The following B3GALT1 variants were observed in gnomAD, a reference collection of about 807,000 sequenced individuals.
The protein encoded by B3GALT1 is beta-1,3-galactosyltransferase 1.
Under a neutral mutation model 23.2 loss-of-function variants are expected in B3GALT1, and 10 were observed. That is an observed-to-expected ratio of 0.43 (90% CI 0.27 to 0.73). The LOEUF is 0.73. B3GALT1 is among the 30% of genes least tolerant of loss of function. The pLI is 0.21. For missense variants in B3GALT1, 299 were observed against 405.4 expected, an observed-to-expected ratio of 0.74 and a Z score of 2.25; for synonymous variants, 156 against 141.5, an observed-to-expected ratio of 1.10 and a Z score of -0.73.
intron 4 of B3GALT1, among the ~76,000 whole-genome samples, chr2:167,830,255 T>C (rs889344837): frequency 2.0e-5 from 3 of 152,038 alleles, no homozygotes; most frequent in African/African-American, 7.2e-5. Context: ...GCCGGGTCTT[T>C]TTCACAGACC....
chr2:167,790,141 C>G (rs1688409172), intron 3 of B3GALT1, among the ~76,000 whole-genome samples: 1 of 152,170 alleles, frequency 6.6e-6, no homozygotes, highest in Admixed American at 6.5e-5. Flanking sequence ...ACGCTTAACT[C>G]CTAGTCTTGC....
chr2:167,597,116 TG>T (rs1385365584), intron 2 of B3GALT1, among the ~76,000 whole-genome samples: 37 of 141,248 alleles, frequency 2.6e-4, no homozygotes, highest in African/African-American at 5.5e-4. Context: ...TTTTTGTTTT[TG>T]TTTTTTTTTT....
intron 3 of B3GALT1, among the ~76,000 whole-genome samples, chr2:167,739,070 C>T (rs999408065): frequency 6.6e-6 from 1 of 152,168 alleles, no homozygotes; most frequent in Non-Finnish European, 1.5e-5. Flanking sequence ...ATTCCCTCTG[C>T]CCCTCTGCTC....
chr2:167,364,607 C>T (rs553934520), intron 1 of B3GALT1, among the ~76,000 whole-genome samples: 11 of 152,180 alleles, frequency 7.2e-5, no homozygotes, highest in South Asian at 4.2e-4. Flanking sequence ...TCTGTCCTTG[C>T]GATAGTTTGC....
At chr2:167,511,155 T>C (rs1159621707) in intron 2 of B3GALT1, among the ~76,000 whole-genome samples, 1 of 152,124 alleles carries the variant, frequency 6.6e-6, no homozygotes, top group Non-Finnish European at 1.5e-5. Flanking sequence ...AACAGCCAAA[T>C]GAGAGAAAAT....
At chr2:167,621,521 C>T (rs1362474171) in intron 2 of B3GALT1, among the ~76,000 whole-genome samples, 1 of 152,054 alleles carries the variant, frequency 6.6e-6, no homozygotes, top group Non-Finnish European at 1.5e-5. Context: ...ACTCCAAGAG[C>T]TTTCCATTAT....
intron 2 of B3GALT1, among the ~76,000 whole-genome samples, chr2:167,571,788 G>T (rs1247080234): frequency 6.6e-6 from 1 of 151,860 alleles, no homozygotes; most frequent in Non-Finnish European, 1.5e-5. Flanking sequence ...ATGCCGGCAT[G>T]AGTTAGCCAA....
intron 3 of B3GALT1, among the ~76,000 whole-genome samples, chr2:167,784,468 C>G (rs1688306646): frequency 6.6e-6 from 1 of 152,200 alleles, no homozygotes; most frequent in Admixed American, 6.5e-5. Flanking sequence ...TATACTGGCA[C>G]TGCAAGAGCT....
chr2:167,391,638 T>G (rs1698015270), intron 1 of B3GALT1, among the ~76,000 whole-genome samples: 1 of 152,196 alleles, frequency 6.6e-6, no homozygotes, highest in African/African-American at 2.4e-5. Context: ...AGTTTCCTGG[T>G]TTTAGAGGAT....
At chr2:167,610,570 G>A (rs1653383) in intron 2 of B3GALT1, among the ~76,000 whole-genome samples, 128,004 of 152,008 alleles carry the variant, frequency 0.84, 54,062 homozygotes, top group African/African-American at 0.91. Flanking sequence ...AAAGCAGGCC[G>A]TGATTAAATA....
rs142360780 is a variant in B3GALT1 at position 167,398,944 on chromosome 2, A to G, written c.-510-91233A>G. Among the ~76,000 whole-genome samples, 558 of 152,272 alleles carry G rather than the reference A, an allele frequency of 3.7e-3. 6 individuals are homozygous for G. Among genetic ancestry groups the G allele is most frequent in the African/African-American group, 0.013 (533 of 41,554 alleles). On this transcript the variant is annotated intron_variant, in intron 1 of 4. Coordinates refer to ENST00000392690, the MANE Select transcript of B3GALT1 (RefSeq NM_020981.4). Reference sequence around the variant, plus strand: ...CCAGTATATTTAATGCCAAGGTGACATCTGTCAGCACAGACCTCATATGCC... The same window carrying G: ...CCAGTATATTTAATGCCAAGGTGACGTCTGTCAGCACAGACCTCATATGCC...
intron 3 of B3GALT1, among the ~76,000 whole-genome samples, chr2:167,795,585 T>A (rs946338796): frequency 6.6e-6 from 1 of 152,200 alleles, no homozygotes; most frequent in African/African-American, 2.4e-5. Context: ...AATCTTAGAA[T>A]CAATCCAATG....
intron 1 of B3GALT1, among the ~76,000 whole-genome samples, chr2:167,393,150 C>T (rs958472866): frequency 1.3e-5 from 2 of 151,260 alleles, no homozygotes; most frequent in South Asian, 2.1e-4. Context: ...AGGAGAATGG[C>T]GTGAACCCGG....
At chr2:167,867,886 A>G (rs1690264960) in intron 4 of B3GALT1, among the ~76,000 whole-genome samples, 1 of 152,214 alleles carries the variant, frequency 6.6e-6, no homozygotes, top group Non-Finnish European at 1.5e-5. Context: ...TTCCAGAGGA[A>G]AATTAAATTT....
At chr2:167,785,731 C>T (rs1688330600) in intron 3 of B3GALT1, among the ~76,000 whole-genome samples, 1 of 152,132 alleles carries the variant, frequency 6.6e-6, no homozygotes, top group Non-Finnish European at 1.5e-5. Flanking sequence ...TAGAATTATT[C>T]GTGCAGGGAT....
intron 1 of B3GALT1, among the ~76,000 whole-genome samples, chr2:167,298,005 C>G (rs1345967267): frequency 6.6e-6 from 1 of 152,110 alleles, no homozygotes; most frequent in Non-Finnish European, 1.5e-5. Flanking sequence ...GCATTCAGCA[C>G]TCATTTAAGC....
intron 2 of B3GALT1, among the ~76,000 whole-genome samples, chr2:167,619,276 C>T (rs150056352): frequency 1.3e-5 from 2 of 151,922 alleles, no homozygotes; most frequent in Non-Finnish European, 2.9e-5. Flanking sequence ...CCATTGAATG[C>T]CCTCTTAGCA....
chr2:167,595,606 C>G (rs1192378483), intron 2 of B3GALT1, among the ~76,000 whole-genome samples: 2 of 152,164 alleles, frequency 1.3e-5, no homozygotes, highest in African/African-American at 4.8e-5. Context: ...ATGGCAACCC[C>G]TAACAATGCC....
At chr2:167,405,933 A>G (rs1370170672) in intron 1 of B3GALT1, among the ~76,000 whole-genome samples, 1 of 152,216 alleles carries the variant, frequency 6.6e-6, no homozygotes, top group Non-Finnish European at 1.5e-5. Context: ...GTATGTAAAC[A>G]TGATAGATGG....
Sources: allele counts gnomAD v4.1 joint callset (sites outside exome capture counted in the v4.1 genomes callset), GRCh38; gene constraint gnomAD v4.1.1; transcripts MANE v1.5; gene names NCBI Gene and HGNC (gene_info 2026-07-23, HGNC 2026-07-21).